The following UBE2R2 variants were observed in gnomAD, a reference collection of about 807,000 sequenced individuals.
The protein encoded by UBE2R2 is ubiquitin conjugating enzyme E2 R2.
UBE2R2 carries 1 observed loss-of-function variant against 27.8 expected under a neutral mutation model. That is an observed-to-expected ratio of 0.04 (90% CI 0.01 to 0.17). The LOEUF is 0.17. Ranked by LOEUF, UBE2R2 falls within the 10% of genes least tolerant of loss-of-function variation. The pLI is 1.00. For synonymous variants in UBE2R2, 106 were observed against 113.3 expected (o/e 0.94, Z 0.41); for missense variants, 100 against 291.0 (o/e 0.34, Z 4.78).
chr9:33,916,162 G>A (rs1224522981), intron 4 of UBE2R2, among the ~76,000 whole-genome samples: 3 of 152,168 alleles, frequency 2.0e-5, no homozygotes, highest in African/African-American at 4.8e-5. Context: ...CCAACATGGT[G>A]AAACCCCATC....
At chr9:33,904,904 G>A (rs900134568) in intron 3 of UBE2R2, among the ~76,000 whole-genome samples, 6 of 152,156 alleles carry the variant, frequency 3.9e-5, no homozygotes, top group Non-Finnish European at 5.9e-5. Context: ...GTTGCCACAC[G>A]TCTTTGATTA....
intron 1 of UBE2R2, among the ~76,000 whole-genome samples, chr9:33,837,010 C>T (rs1208626194): frequency 6.6e-6 from 1 of 152,012 alleles, no homozygotes; most frequent in African/African-American, 2.4e-5. Flanking sequence ...TGGAAGTTTG[C>T]AGGACTCTGT....
intron 3 of UBE2R2, among the ~76,000 whole-genome samples, chr9:33,904,160 T>C (rs1822303406): frequency 6.6e-6 from 1 of 152,216 alleles, no homozygotes; most frequent in Middle Eastern, 3.2e-3. Flanking sequence ...TGTGTTCACT[T>C]GGTTGTGAGA....
chr9:33,826,034 T>G (rs1247281028), intron 1 of UBE2R2, among the ~76,000 whole-genome samples: 1 of 152,062 alleles, frequency 6.6e-6, no homozygotes, highest in Non-Finnish European at 1.5e-5. Context: ...TCCCAGCTAC[T>G]TGGGAGGCTG....
intron 3 of UBE2R2, among the ~76,000 whole-genome samples, chr9:33,910,448 C>T (rs1822459019): frequency 6.6e-6 from 1 of 152,040 alleles, no homozygotes; most frequent in South Asian, 2.1e-4. Flanking sequence ...CACCTGGCCC[C>T]TATTATGCTT....
chr9:33,909,000 C>T (rs1822425492), intron 3 of UBE2R2, among the ~76,000 whole-genome samples: 1 of 108,640 alleles, frequency 9.2e-6, no homozygotes, highest in South Asian at 3.2e-4. Context: ...TAGTGAGACC[C>T]TGTCTTTAAA....
At chr9:33,906,322 G>C (rs535134906) in intron 3 of UBE2R2, among the ~76,000 whole-genome samples, 1 of 152,046 alleles carries the variant, frequency 6.6e-6, no homozygotes, top group East Asian at 1.9e-4. Flanking sequence ...GGATTTTTCC[G>C]TGTTAGTCGG....
At chr9:33,892,599 C>T (rs1822015596) in intron 2 of UBE2R2, among the ~76,000 whole-genome samples, 1 of 151,994 alleles carries the variant, frequency 6.6e-6, no homozygotes, top group African/African-American at 2.4e-5. Flanking sequence ...GTATTTAGGC[C>T]ACTAAATTTG....
At chr9:33,913,596 A>T (rs2130823410) in intron 4 of UBE2R2, among the ~76,000 whole-genome samples, 1 of 152,224 alleles carries the variant, frequency 6.6e-6, no homozygotes, top group South Asian at 2.1e-4. Context: ...TTATTTCTTA[A>T]AATAGAGACC....
intron 2 of UBE2R2, among the ~76,000 whole-genome samples, chr9:33,899,608 T>A (rs1258423933): frequency 6.6e-6 from 1 of 152,080 alleles, no homozygotes; most frequent in Non-Finnish European, 1.5e-5. Context: ...CTCCTGACCT[T>A]GTGATCTGCC....
intron 2 of UBE2R2, among the ~76,000 whole-genome samples, 187 bp from the exon 3 acceptor site, chr9:33,899,987 T>A (rs1822211136): frequency 6.6e-6 from 1 of 152,248 alleles, no homozygotes; most frequent in Non-Finnish European, 1.5e-5. Context: ...CCTTGGAGAT[T>A]GGTCAAAATA....
intron 1 of UBE2R2, among the ~76,000 whole-genome samples, chr9:33,824,364 C>T (rs574088209): frequency 3.3e-5 from 5 of 149,632 alleles, no homozygotes; most frequent in Non-Finnish European, 7.4e-5. Context: ...GGGCCGGGCG[C>T]GGTAGCTCAT....
intron 3 of UBE2R2, among the ~76,000 whole-genome samples, chr9:33,900,792 T>A (rs1822226502): frequency 6.6e-6 from 1 of 152,168 alleles, no homozygotes; most frequent in African/African-American, 2.4e-5. Flanking sequence ...GGTCTCAAAC[T>A]CCTGGCCTCA....
chr9:33,834,027 T>G (rs557712250), intron 1 of UBE2R2, among the ~76,000 whole-genome samples: 1 of 152,310 alleles, frequency 6.6e-6, no homozygotes, highest in Admixed American at 6.5e-5. Context: ...ATTCATCTGT[T>G]GATGGATGCT....
intron 1 of UBE2R2, among the ~76,000 whole-genome samples, chr9:33,858,608 C>G (rs1348816546): frequency 6.6e-6 from 1 of 151,838 alleles, no homozygotes; most frequent in Non-Finnish European, 1.5e-5. Flanking sequence ...TGCCATGTTG[C>G]CCAGGCTGGT....
chr9:33,894,731 T>C (rs1431847637), intron 2 of UBE2R2, among the ~76,000 whole-genome samples: 1 of 152,140 alleles, frequency 6.6e-6, no homozygotes, highest in Non-Finnish European at 1.5e-5. Context: ...TCCATCACTA[T>C]AAAAAAAATT....
At chr9:33,858,414 T>A (rs1219490389) in intron 1 of UBE2R2, among the ~76,000 whole-genome samples, 2 of 152,116 alleles carry the variant, frequency 1.3e-5, no homozygotes, top group Non-Finnish European at 2.9e-5. Flanking sequence ...AGAGTATAGA[T>A]GTTAATTTTT....
intron 1 of UBE2R2, among the ~76,000 whole-genome samples, chr9:33,851,192 C>T (rs1322649204): frequency 1.3e-5 from 2 of 151,782 alleles, no homozygotes; most frequent in Non-Finnish European, 2.9e-5. Flanking sequence ...TTTAAACAAC[C>T]ACAAACTTAC....
At chr9:33,884,289 CT>C (rs910443817) in intron 1 of UBE2R2, among the ~76,000 whole-genome samples, 49 of 100,008 alleles carry the variant, frequency 4.9e-4, no homozygotes, top group Non-Finnish European at 5.2e-4. Context: ...CTTTTTCTTT[CT>C]TTTTTTTTTT....
Sources: gnomAD v4.1 joint callset for allele counts (sites outside exome capture counted in the v4.1 genomes callset) on GRCh38, gnomAD v4.1.1 for gene constraint, MANE v1.5 for transcripts, NCBI Gene and HGNC (gene_info 2026-07-23, HGNC 2026-07-21) for gene names.